Variants in SH3BGRL2 observed in about 807,000 individuals in gnomAD.
SH3BGRL2 encodes SH3 domain-binding glutamic acid-rich-like protein 2.
SH3BGRL2 carries 21 observed loss-of-function variants against 14.8 expected under a neutral mutation model. The observed-to-expected ratio is 1.42, with a 90% CI of 1.01 to 2.05. The LOEUF (loss-of-function observed/expected upper bound fraction) is 2.05. Among genes scored for constraint, SH3BGRL2 ranks in the 30% most tolerant of loss-of-function variants. SH3BGRL2 has a pLI of 0.00. For synonymous variants in SH3BGRL2, 50 were observed against 47.8 expected (o/e 1.05, Z -0.19); for missense variants, 147 against 130.8 (o/e 1.12, Z -0.61).
At chr6:79,648,820 C>A (rs186497397) in intron 1 of SH3BGRL2, among the ~76,000 whole-genome samples, 7 of 152,238 alleles carry the variant, frequency 4.6e-5, no homozygotes, top group African/African-American at 1.7e-4. Flanking sequence ...AGCTAGAAGT[C>A]TACTTTGGAA....
intron 1 of SH3BGRL2, among the ~76,000 whole-genome samples, chr6:79,662,079 T>A (rs975635557): frequency 1.3e-5 from 2 of 152,230 alleles, no homozygotes; most frequent in African/African-American, 4.8e-5. Context: ...AGTACACTGA[T>A]GGATCTTGAC....
the SH3BGRL2 span, among the ~76,000 whole-genome samples, chr6:79,613,288 A>G: frequency 6.6e-6 from 1 of 152,240 alleles, no homozygotes; most frequent in African/African-American, 2.4e-5. Flanking sequence ...TCAAAATCCA[A>G]CTGTTCAAGT....
the SH3BGRL2 span, among the ~76,000 whole-genome samples, chr6:79,580,241 A>G: frequency 6.6e-6 from 1 of 152,222 alleles, no homozygotes; most frequent in Non-Finnish European, 1.5e-5. Flanking sequence ...AAAGAGACAG[A>G]ATATTAACAA....
At chr6:79,578,355 G>A in the SH3BGRL2 span, among the ~76,000 whole-genome samples, 1 of 152,212 alleles carries the variant, frequency 6.6e-6, no homozygotes, top group Non-Finnish European at 1.5e-5. Flanking sequence ...TAGTCTAACT[G>A]GGAGACACCT....
At chr6:79,599,963 GC>G in the SH3BGRL2 span, among the ~76,000 whole-genome samples, 1 of 152,156 alleles carries the variant, frequency 6.6e-6, no homozygotes, top group Non-Finnish European at 1.5e-5. Context: ...TGAGGAGAAA[GC>G]AAAACAAGAA....
the SH3BGRL2 span, among the ~76,000 whole-genome samples, chr6:79,611,858 G>A: frequency 4.7e-4 from 72 of 152,284 alleles, no homozygotes; most frequent in African/African-American, 1.7e-3. Flanking sequence ...CCTCAGTCTT[G>A]TTATCTGTAA....
Position 79,631,436 on chromosome 6 carries a change from G to C in SH3BGRL2, c.-26G>C, listed in dbSNP as rs532414359. ...GCCAGCCCGGAGCCCGGGGGGCAAG[G>C]GGTCTGTCCCGGGCGCAGCGAGAGG... On this transcript the variant is annotated 5_prime_UTR_variant, in exon 1 of 4. Transcript: ENST00000369838. The C allele has an allele frequency of 5.3e-6, 8 of 1,516,768 alleles. No individual in the cohort carries two copies. The highest frequency in any genetic ancestry group is 2.6e-5 in the South Asian group (2 of 78,398). The allele number at this position is 1,516,768 out of a possible 1,614,324, so 94.0% of individuals were successfully genotyped here.
At chr6:79,637,215 TC>T (rs1254976943) in intron 1 of SH3BGRL2, among the ~76,000 whole-genome samples, 2 of 152,160 alleles carry the variant, frequency 1.3e-5, no homozygotes, top group Non-Finnish European at 2.9e-5. Context: ...TTTTAGTATT[TC>T]CCAGATTTGA....
chr6:79,550,979 CAGT>C, the SH3BGRL2 span, among the ~76,000 whole-genome samples: 1 of 152,110 alleles, frequency 6.6e-6, no homozygotes, highest in Non-Finnish European at 1.5e-5. Flanking sequence ...CTACAAAAGT[CAGT>C]GGTCAAGCGT....
chr6:79,589,721 G>A, the SH3BGRL2 span, among the ~76,000 whole-genome samples: 1 of 152,056 alleles, frequency 6.6e-6, no homozygotes, highest in Non-Finnish European at 1.5e-5. Context: ...GTACAAAAGA[G>A]TGGAATAAAA....
At chr6:79,668,112 G>A (rs1038739748) in intron 1 of SH3BGRL2, among the ~76,000 whole-genome samples, 1 of 152,118 alleles carries the variant, frequency 6.6e-6, no homozygotes, top group Admixed American at 6.5e-5. Context: ...ATTCAAACAT[G>A]GCTAGACGTG....
chr6:79,588,878 T>C, the SH3BGRL2 span, among the ~76,000 whole-genome samples: 51 of 152,258 alleles, frequency 3.3e-4, no homozygotes, highest in African/African-American at 1.2e-3. Context: ...ATATAGCCAT[T>C]GTGCCCAGGG....
chr6:79,620,035 A>G, the SH3BGRL2 span, among the ~76,000 whole-genome samples: 2 of 152,080 alleles, frequency 1.3e-5, no homozygotes, highest in Non-Finnish European at 2.9e-5. Context: ...AATTCTCTTT[A>G]TATTGATTTT....
chr6:79,554,869 A>AT, the SH3BGRL2 span, among the ~76,000 whole-genome samples: 1 of 152,170 alleles, frequency 6.6e-6, no homozygotes, highest in Non-Finnish European at 1.5e-5. Flanking sequence ...CAGCCAATGA[A>AT]TGTGGATATT....
chr6:79,563,057 G>A, the SH3BGRL2 span, among the ~76,000 whole-genome samples: 1 of 152,074 alleles, frequency 6.6e-6, no homozygotes, highest in South Asian at 2.1e-4. Flanking sequence ...CCGAGTTCAC[G>A]CCATTCTCCT....
At chr6:79,650,385 G>A (rs1334770873) in intron 1 of SH3BGRL2, among the ~76,000 whole-genome samples, 1 of 152,140 alleles carries the variant, frequency 6.6e-6, no homozygotes, top group African/African-American at 2.4e-5. Context: ...AAGACAGAAG[G>A]TGAGTCCATA....
chr6:79,692,070 T>A (rs1770230145), intron 2 of SH3BGRL2, among the ~76,000 whole-genome samples: 1 of 152,242 alleles, frequency 6.6e-6, no homozygotes, highest in South Asian at 2.1e-4. Context: ...AGATGGTATC[T>A]CATTGTGGTT....
the SH3BGRL2 span, among the ~76,000 whole-genome samples, chr6:79,563,486 G>A: frequency 1.3e-5 from 2 of 152,014 alleles, no homozygotes; most frequent in African/African-American, 2.4e-5. Flanking sequence ...TTAGTAAAGT[G>A]ACTTGTTTGA....
chr6:79,669,101 C>A (rs1202926556), intron 1 of SH3BGRL2, among the ~76,000 whole-genome samples: 2 of 152,184 alleles, frequency 1.3e-5, no homozygotes, highest in African/African-American at 4.8e-5. Flanking sequence ...TGGAATAATT[C>A]TTGAATCATC....
Sources: gnomAD v4.1 joint callset for allele counts (sites outside exome capture counted in the v4.1 genomes callset) on GRCh38, gnomAD v4.1.1 for gene constraint, MANE v1.5 for transcripts, NCBI Gene and HGNC (gene_info 2026-07-23, HGNC 2026-07-21) for gene names.